Variants in MAP4 observed in about 807,000 individuals in gnomAD.
MAP4 encodes microtubule-associated protein 4.
Under a neutral mutation model 170.2 loss-of-function variants are expected in MAP4, and 76 were observed. The ratio of observed to expected loss-of-function variants is 0.45; its 90% CI spans 0.37 to 0.54. MAP4 has a LOEUF of 0.54. Ranked by LOEUF, MAP4 falls within the 20% of genes least tolerant of loss-of-function variation. The pLI is 0.00. For synonymous variants in MAP4, 909 were observed against 994.5 expected (o/e 0.91, Z 1.62); for missense variants, 2,506 against 2,748.0 (o/e 0.91, Z 1.97).
intron 1 of MAP4, among the ~76,000 whole-genome samples, chr3:48,070,969 G>A (rs1444706092): frequency 2.0e-5 from 3 of 152,018 alleles, no homozygotes; most frequent in Non-Finnish European, 2.9e-5. Flanking sequence ...AGGCTACAGG[G>A]AGCAGTGATC....
intron 1 of MAP4, among the ~76,000 whole-genome samples, chr3:48,025,903 AAAT>A (rs10645414): frequency 0.023 from 3,265 of 140,208 alleles, 80 homozygotes; most frequent in African/African-American, 0.058. Context: ...TCTGCCTCAA[AAAT>A]AATAATAATA....
chr3:47,926,891 GCA>G (rs2100046317), intron 4 of MAP4, among the ~76,000 whole-genome samples: 2 of 152,050 alleles, frequency 1.3e-5, no homozygotes, highest in African/African-American at 4.8e-5. Flanking sequence ...TTGGCCAGGC[GCA>G]GTGGCTCACA....
chr3:47,886,347 C>T (rs2097586294), intron 10 of MAP4, among the ~76,000 whole-genome samples: 1 of 152,166 alleles, frequency 6.6e-6, no homozygotes, highest in South Asian at 2.1e-4. Flanking sequence ...ATCTCCCAGG[C>T]TGGAGCACAG....
At chr3:47,893,759 CT>C (rs746999860) in intron 10 of MAP4, among the ~76,000 whole-genome samples, 2,855 of 134,044 alleles carry the variant, frequency 0.021, 36 homozygotes, top group African/African-American at 0.048. Flanking sequence ...ATTTAGATTG[CT>C]TTTTTTTTTT....
At chr3:47,860,337 C>T (rs779423363) in intron 17 of MAP4, among the ~76,000 whole-genome samples, 8 of 152,208 alleles carry the variant, frequency 5.3e-5, no homozygotes, top group Non-Finnish European at 7.3e-5. Flanking sequence ...AGACTACAGG[C>T]GCACACCACC....
chr3:47,896,468 G>A (rs1364772323), intron 10 of MAP4, among the ~76,000 whole-genome samples: 7 of 152,200 alleles, frequency 4.6e-5, no homozygotes, highest in Admixed American at 2.0e-4. Context: ...GGCAGAGGTT[G>A]CAGTGAGTGG....
intron 1 of MAP4, among the ~76,000 whole-genome samples, chr3:48,057,211 G>A (rs1271922807): frequency 1.2e-4 from 18 of 146,456 alleles, no homozygotes; most frequent in Non-Finnish European, 1.5e-4. Context: ...GATGGTTGCC[G>A]TGTCTGTGTG....
rs144447621 is a variant in MAP4 at position 47,906,505 on chromosome 3, G to C, written c.5383+2533C>G. Among the ~76,000 whole-genome samples the C allele has an allele frequency of 4.0e-3, 610 of 151,986 alleles. 6 individuals are homozygous for C. Among genetic ancestry groups the C allele is most frequent in the African/African-American group, 0.014 (591 of 41,436 alleles). ...TTGAGATCAGCCTGACCAACATGGA[G>C]AAACCCCGTCTCTATTAAAAATACA... is the stretch of plus-strand genomic sequence containing the variant. On this transcript the variant is annotated intron_variant, in intron 9 of 20. Transcript: ENST00000683076.
chr3:47,857,755 C>CTGGA (rs1559776231), intron 17 of MAP4, among the ~76,000 whole-genome samples: 1 of 151,958 alleles, frequency 6.6e-6, no homozygotes, highest in East Asian at 1.9e-4. Context: ...GTTGCCCAGG[C>CTGGA]TGGAGTACAG....
At chr3:47,976,118 T>C (rs748232102) in intron 3 of MAP4, among the ~76,000 whole-genome samples, 49 of 152,220 alleles carry the variant, frequency 3.2e-4, no homozygotes, top group Non-Finnish European at 5.7e-4. Flanking sequence ...AGTTAAGTGG[T>C]TCAATTCAAA....
At chr3:47,935,334 ATAGAAGT>A (rs1372362803) in intron 3 of MAP4, among the ~76,000 whole-genome samples, 2 of 152,192 alleles carry the variant, frequency 1.3e-5, no homozygotes, top group Non-Finnish European at 2.9e-5. Context: ...AGCAAGCAAA[ATAGAAGT>A]TAGGGCCATG....
At position 47,910,627 on chromosome 3, in the gene MAP4, G is replaced by C; in HGVS notation, c.3794C>G (p.Pro1265Arg). 6.5e-7 allele frequency: 1 copy of C among 1,536,040 alleles called. No individual in the cohort carries two copies. Among genetic ancestry groups the C allele is most frequent in the East Asian group, 2.4e-5 (1 of 40,914 alleles). Residue 1265 changes from proline to arginine, a missense_variant, in exon 9 of 21, where the codon CCC becomes CGC. This residue lies in a region of MAP4 where 2,008 missense variants were observed against 2,206.0 expected (regional missense o/e 0.91). Coordinates refer to ENST00000683076, the MANE Select transcript of MAP4 (RefSeq NM_001385682.1). ...TGAGAACGAAGAATCATGCATTTTGGGGAAAGTAAATCCTATTTCCTTGCT... is the reference window on the plus strand; with the variant it reads ...TGAGAACGAAGAATCATGCATTTTGCGGAAAGTAAATCCTATTTCCTTGCT... ...HKSKEIGFTFPKMHDSSFSHT... is the reference protein window; with the variant it reads ...HKSKEIGFTFRKMHDSSFSHT...
intron 1 of MAP4, among the ~76,000 whole-genome samples, chr3:48,070,831 G>A (rs1057323319): frequency 9.5e-5 from 14 of 147,444 alleles, no homozygotes; most frequent in Non-Finnish European, 1.9e-4. Flanking sequence ...GTGAGATCTC[G>A]TCTCTACAGG....
Position 47,891,402 on chromosome 3 carries a change from T to G in MAP4, c.5434+11548A>C, listed in dbSNP as rs932828066. The G allele has an allele frequency of 7.2e-6, 11 of 1,535,870 alleles. No individual in the cohort carries two copies. The African/African-American group carries it at 1.4e-4, about 19-fold the overall frequency. ...CCAGGGCTCAATTTGTAGCTAGCTG[T>G]CTGTTCCTCACCCACAGTCATGGAG... On this transcript the variant is annotated intron_variant, in intron 10 of 20. Coordinates refer to ENST00000683076, the MANE Select transcript of MAP4 (RefSeq NM_001385682.1).
chr3:47,958,328 G>A (rs2100069100), intron 3 of MAP4, among the ~76,000 whole-genome samples: 2 of 152,220 alleles, frequency 1.3e-5, no homozygotes, highest in African/African-American at 4.8e-5. Flanking sequence ...ACCAGCTGAG[G>A]TTCGTGCTGA....
chr3:47,938,511 A>T (rs2100054374), intron 3 of MAP4, among the ~76,000 whole-genome samples: 1 of 152,108 alleles, frequency 6.6e-6, no homozygotes, highest in African/African-American at 2.4e-5. Context: ...GTAGCTAAGG[A>T]CACAGATGTG....
intron 1 of MAP4, among the ~76,000 whole-genome samples, chr3:48,001,646 C>T (rs1274221081): frequency 4.0e-5 from 6 of 151,054 alleles, no homozygotes; most frequent in African/African-American, 4.9e-5. Context: ...ATTACAGGTA[C>T]GCACCGCCAC....
chr3:47,927,292 CGAT>C (rs2100046598), intron 4 of MAP4, among the ~76,000 whole-genome samples: 3 of 151,894 alleles, frequency 2.0e-5, no homozygotes, highest in Admixed American at 2.0e-4. Context: ...TTGAAACAAA[CGAT>C]GAGCATCTTA....
chr3:48,014,791 G>A (rs148539852), intron 1 of MAP4, among the ~76,000 whole-genome samples: 5 of 152,272 alleles, frequency 3.3e-5, no homozygotes, highest in African/African-American at 1.2e-4. Flanking sequence ...GCAGTAGCCA[G>A]CATTCTCTTT....
Sources: allele counts gnomAD v4.1 joint callset (sites outside exome capture counted in the v4.1 genomes callset), GRCh38; gene constraint gnomAD v4.1.1; regional missense constraint gnomAD v4.1.1; transcripts MANE v1.5; gene names NCBI Gene and HGNC (gene_info 2026-07-23, HGNC 2026-07-21).